Variants in LRP2 observed in about 807,000 individuals in gnomAD.
LRP2 encodes the protein low-density lipoprotein receptor-related protein 2.
LRP2 carries 172 observed loss-of-function variants against 531.0 expected under a neutral mutation model. The ratio of observed to expected loss-of-function variants is 0.32; its 90% CI spans 0.29 to 0.37. LRP2 has a LOEUF of 0.37. Among genes scored for constraint, LRP2 ranks in the 10% least tolerant of loss-of-function variants. The probability of loss-of-function intolerance (pLI) is 1.00; values close to 1 mark genes in which losing one functional copy is unlikely to be tolerated. For missense variants in LRP2, 5,167 were observed against 5,868.3 expected (o/e 0.88, Z 3.90); for synonymous variants, 1,992 against 2,027.6 (o/e 0.98, Z 0.47).
In LRP2 at chr2:169,361,359, TCTCTCTCTCTCTCTCTCC is replaced by T. The variant is rs1207865345; in HGVS notation, c.79+944_79+961del. The stretch of plus-strand genomic sequence containing the variant: ...CTCTCTGTCTCTCTCTGTCTCTCTC[TCTCTCTCTCTCTCTCTCC>T]CTCTCTCTCTCTCTCTCTGTCTCTC... On this transcript the variant is annotated intron_variant, in intron 1 of 78. Transcript: ENST00000649046. Among the ~76,000 whole-genome samples the T allele has an allele frequency of 9.6e-3, 1,240 of 128,984 alleles. 18 individuals carry two copies. The highest frequency in any genetic ancestry group is 0.032 in the African/African-American group (1,068 of 33,168). 84.6% of individuals were successfully genotyped at this position (128,984 alleles called of 152,430 possible).
At chr2:169,358,757 C>T (rs1209016734) in intron 1 of LRP2, among the ~76,000 whole-genome samples, 1 of 152,044 alleles carries the variant, frequency 6.6e-6, no homozygotes, top group African/African-American at 2.4e-5. Context: ...CTTTGGGAAG[C>T]AGAGGTAGGA....
chr2:169,349,996 A>G (rs1238086690), intron 1 of LRP2, among the ~76,000 whole-genome samples: 2 of 152,258 alleles, frequency 1.3e-5, no homozygotes, highest in African/African-American at 4.8e-5. Flanking sequence ...GGAAATCAGT[A>G]TGGAAGCCAT....
At chr2:169,147,075 C>G (rs756176881) in intron 68 of LRP2, 116 bp from the exon 69 acceptor site, 74 of 785,240 alleles carry the variant, frequency 9.4e-5, no homozygotes, top group Non-Finnish European at 1.5e-4. Context: ...GACCTGGGTG[C>G]TCAGTGACAC....
At chr2:169,169,431 T>C (rs572125808) in intron 60 of LRP2, among the ~76,000 whole-genome samples, 94 of 152,374 alleles carry the variant, frequency 6.2e-4, no homozygotes, top group African/African-American at 2.2e-3. Flanking sequence ...ATTAATGATT[T>C]GTATAGTAGC....
rs1004475875 is a variant in LRP2, at chr2:169,172,950, G to A, written c.11143+146C>T. On this transcript the variant is annotated intron_variant, in intron 57 of 78. Coordinates refer to ENST00000649046, the MANE Select transcript of LRP2 (RefSeq NM_004525.3). The stretch of plus-strand genomic sequence containing the variant: ...GCAAAATGCTACAAAAATGTAACAT[G>A]TTATTAGAAGAATCAACCATTTTTT... 12 of 1,049,824 alleles carry A rather than the reference G, an allele frequency of 1.1e-5. No individual in the cohort carries two copies. The East Asian group carries it at 1.3e-4, about 11-fold the overall frequency. The allele number at this position is 1,049,824 out of a possible 1,614,324, so 65.0% of individuals were successfully genotyped here.
chr2:169,127,550 A>AAAC lies in LRP2; in HGVS notation c.*1112_*1113insGTT. 1 of 152,032 alleles carries AAAC rather than the reference A, an allele frequency of 6.6e-6. No individual in the cohort carries two copies. Among genetic ancestry groups the AAAC allele is most frequent in the South Asian group, 2.1e-4 (1 of 4,798 alleles). The allele number at this position is 152,032 out of a possible 1,614,324, so 9.4% of individuals were successfully genotyped here. A position where few individuals can be genotyped will look rare whatever the true frequency, so the allele number is the denominator to read the frequency against. ...TCCATCTCTAAAAAAAAAAAAAAAA[A>AAAC]AAAAACCAATAAGAATTAAAGAAAA... is the stretch of plus-strand genomic sequence containing the variant. On this transcript the variant is annotated 3_prime_UTR_variant, in exon 79 of 79. Transcript: ENST00000649046.
rs564328928 is a variant in LRP2 at position 169,202,082 on chromosome 2, C to T, written c.8210-212G>A. Among the ~76,000 whole-genome samples the T allele has an allele frequency of 4.5e-3, 680 of 152,234 alleles. 8 individuals carry two copies. In the Middle Eastern group the frequency reaches 0.065, roughly 14 times the overall value. On this transcript the variant is annotated intron_variant, in intron 43 of 78. Transcript: ENST00000649046. ...TACATTTTTAAAATTGTTTTAGGCA[C>T]AAATCAAGTAATTTAAGCACAAATC...
chr2:169,152,466 A>C lies in LRP2; in HGVS notation c.12461+333T>G, dbSNP rs1050658686. Reference sequence around the variant, plus strand: ...CTGAAAGTTAATTTTGGAATCCAGAACTCTGTTGGCAAGAATGCTATTCAC... The same window carrying C: ...CTGAAAGTTAATTTTGGAATCCAGACCTCTGTTGGCAAGAATGCTATTCAC... On this transcript the variant is annotated intron_variant, in intron 67 of 78. Transcript: ENST00000649046. Among the ~76,000 whole-genome samples, 3 of 152,188 alleles carry C rather than the reference A, an allele frequency of 2.0e-5. No homozygotes were observed. The East Asian group carries it at 5.8e-4, about 29-fold the overall frequency.
In LRP2 at chr2:169,160,943, C is replaced by T. The variant is rs76041395; in HGVS notation, c.11887+1529G>A. Among the ~76,000 whole-genome samples the T allele has an allele frequency of 5.5e-3, 844 of 152,254 alleles. 2 individuals carry two copies. Among genetic ancestry groups the T allele is most frequent in the East Asian group, 0.018 (92 of 5,182 alleles). On this transcript the variant is annotated intron_variant, in intron 63 of 78. Coordinates refer to ENST00000649046, the MANE Select transcript of LRP2 (RefSeq NM_004525.3). ...GTTATTCATACCTCTTCGTAACTCA[C>T]GCAGGAGAAAAATTGATAGAAAATC...
At chr2:169,279,845 G>T (rs1027450524) in intron 11 of LRP2, among the ~76,000 whole-genome samples, 19 of 152,176 alleles carry the variant, frequency 1.2e-4, no homozygotes, top group African/African-American at 4.6e-4. Flanking sequence ...AATCTCCATT[G>T]CATTACTCCA....
At chr2:169,199,055 G>A in intron 44 of LRP2, 144 bp from the exon 45 acceptor site, 1 of 759,010 alleles carries the variant, frequency 1.3e-6, no homozygotes, top group Non-Finnish European at 2.2e-6. Context: ...CAGGATCCAT[G>A]ATACTTATGT....
In LRP2 at chr2:169,166,011, G is replaced by A; in HGVS notation, c.11679C>T (p.Asn3893=). ...CNSPNRFRCD[N]NRCIYSHEVC... Reference sequence around the variant, plus strand: ...CCTCATGACTATAAATGCAGCGATTGTTGTCACACCGGAAACGGTTTGGTG... The same window carrying A: ...CCTCATGACTATAAATGCAGCGATTATTGTCACACCGGAAACGGTTTGGTG... Residue 3893 remains asparagine, a synonymous_variant, in exon 62 of 79, where the codon AAC becomes AAT. Transcript: ENST00000649046. 1 of 1,614,034 alleles carries A rather than the reference G, an allele frequency of 6.2e-7. No homozygotes were observed. Among genetic ancestry groups the A allele is most frequent in the Non-Finnish European group, 8.5e-7 (1 of 1,179,922 alleles).
intron 48 of LRP2, 63 bp from the exon 49 acceptor site, chr2:169,188,328 CTTGGGGTT>C: frequency 6.5e-7 from 1 of 1,541,950 alleles, no homozygotes; most frequent in Non-Finnish European, 9.0e-7. Context: ...CTATTACCCA[CTTGGGGTT>C]TTGCTTCCTT....
intron 19 of LRP2, 125 bp from the exon 20 acceptor site, chr2:169,247,640 G>GTAA (rs776246093): frequency 2.4e-5 from 24 of 1,015,440 alleles, no homozygotes; most frequent in Non-Finnish European, 3.5e-5. Flanking sequence ...ATAAATATCT[G>GTAA]TAATATGTTT....
rs1685767453 is a variant in LRP2, at chr2:169,142,697, C to T, written c.13085G>A (p.Gly4362Glu). 1 of 1,613,964 alleles carries T rather than the reference C, an allele frequency of 6.2e-7. No homozygotes were observed. The highest frequency in any genetic ancestry group is 8.5e-7 in the Non-Finnish European group (1 of 1,179,964). ...ACCTGCATCACACTCAGTGGTGCTC[C>T]CCTCTATAAAGCTGGAGCCTTGGGG... ...ACPQGSSFIE[G>E]STTECDAAIE... Residue 4362 changes from glycine (G) to glutamate (E), a missense_variant, in exon 71 of 79, where the codon GGG becomes GAG. Coordinates refer to ENST00000649046, the MANE Select transcript of LRP2 (RefSeq NM_004525.3).
In LRP2 at chr2:169,236,092, A is replaced by G. The variant is rs144121257; in HGVS notation, c.4692-24T>C. On this transcript the variant is annotated intron_variant, in intron 28 of 78. Coordinates refer to ENST00000649046, the MANE Select transcript of LRP2 (RefSeq NM_004525.3). ...CACTGGGAAAGGAAATGAGTTACCA[A>G]TTGGAGGGGACGTATTTAAATATTA... 2,480 of 1,497,510 alleles carry G rather than the reference A, an allele frequency of 1.7e-3. 42 individuals are homozygous for G. The African/African-American group carries it at 0.028, about 17-fold the overall frequency. 92.8% of individuals were successfully genotyped at this position (1,497,510 alleles called of 1,614,324 possible).
intron 32 of LRP2, 57 bp from the exon 33 acceptor site, chr2:169,225,510 A>G: frequency 6.3e-7 from 1 of 1,599,706 alleles, no homozygotes; most frequent in Non-Finnish European, 8.6e-7. Flanking sequence ...CCTACAAAAG[A>G]ACCCTTTCTT....
At chr2:169,336,129 T>C (rs944490934) in intron 1 of LRP2, among the ~76,000 whole-genome samples, 1 of 151,924 alleles carries the variant, frequency 6.6e-6, no homozygotes, top group Non-Finnish European at 1.5e-5. Context: ...TAAAATAACA[T>C]ACAATAATGC....
rs1217415431 is a variant in LRP2 at position 169,276,475 on chromosome 2, AT to A, written c.1773-1238del. ...AAAAAATTTAAGCAATTTCACAATT[AT>A]TTTATGTGACTTATTGGGTTAGCTA... On this transcript the variant is annotated intron_variant, in intron 13 of 78. Coordinates refer to ENST00000649046, the MANE Select transcript of LRP2 (RefSeq NM_004525.3). 3.3e-5 allele frequency among the ~76,000 whole-genome samples: 5 copies of A among 152,130 alleles called. No individual in the cohort carries two copies. The South Asian group carries it at 1.0e-3, about 32-fold the overall frequency.
Sources: allele counts gnomAD v4.1 joint callset (sites outside exome capture counted in the v4.1 genomes callset), GRCh38; gene constraint gnomAD v4.1.1; transcripts MANE v1.5; gene names NCBI Gene and HGNC (gene_info 2026-07-23, HGNC 2026-07-21).